Variants in DIPK1A observed in about 807,000 individuals in gnomAD.
The protein encoded by DIPK1A is divergent protein kinase domain 1A.
A neutral mutation model predicts 40.8 loss-of-function variants in DIPK1A; 27 were observed. That is an observed-to-expected ratio of 0.66 (90% CI 0.49 to 0.91). The LOEUF is 0.91. Ranked by LOEUF, DIPK1A falls within the 40% of genes least tolerant of loss-of-function variation. The pLI is 0.00. For missense variants in DIPK1A, 412 were observed against 505.7 expected (o/e 0.81, Z 1.78); for synonymous variants, 166 against 171.3 (o/e 0.97, Z 0.24).
intron 1 of DIPK1A, chr1:92,932,288 A>C (rs1650781283): frequency 6.3e-6 from 1 of 157,934 alleles, no homozygotes; most frequent in Admixed American, 6.5e-5. Context: ...CAAACATACA[A>C]AAATTAGCCA....
intron 1 of DIPK1A, among the ~76,000 whole-genome samples, chr1:92,881,836 G>A (rs1388467116): frequency 1.3e-5 from 2 of 152,080 alleles, no homozygotes; most frequent in Non-Finnish European, 2.9e-5. Context: ...AAGAGGTGGT[G>A]GGATTATGGA....
chr1:92,909,631 G>T (rs1649753107), intron 1 of DIPK1A, among the ~76,000 whole-genome samples: 1 of 152,186 alleles, frequency 6.6e-6, no homozygotes, highest in South Asian at 2.1e-4. Context: ...GAAACAGTAG[G>T]ACTGGACTCT....
At chr1:92,846,646 T>C (rs74622328) in intron 4 of DIPK1A, 3 of 403,710 alleles carry the variant, frequency 7.4e-6, no homozygotes, top group South Asian at 5.3e-5. Context: ...TTTTTTTTTT[T>C]GAAACAGGGT....
At chr1:92,868,802 C>T (rs536337533) in intron 2 of DIPK1A, among the ~76,000 whole-genome samples, 10 of 151,944 alleles carry the variant, frequency 6.6e-5, no homozygotes, top group Middle Eastern at 3.4e-3. Context: ...CTTGTCTCTA[C>T]TAAAAATAAA....
intron 1 of DIPK1A, among the ~76,000 whole-genome samples, chr1:92,942,061 G>A (rs1226355470): frequency 1.3e-5 from 2 of 151,802 alleles, no homozygotes; most frequent in African/African-American, 4.8e-5. Flanking sequence ...ATATGGACAT[G>A]AGCAGTAAAT....
chr1:92,935,853 C>CG (rs1650924447), intron 1 of DIPK1A, among the ~76,000 whole-genome samples: 1 of 151,850 alleles, frequency 6.6e-6, no homozygotes, highest in African/African-American at 2.4e-5. Flanking sequence ...AAGGCTGAGG[C>CG]GGGAGGATCA....
At chr1:92,836,021 T>A (rs76457701) in intron 4 of DIPK1A, among the ~76,000 whole-genome samples, 3,210 of 152,292 alleles carry the variant, frequency 0.021, 115 homozygotes, top group African/African-American at 0.072. Context: ...GTTTTTTTTT[T>A]AAATAGCATT....
intron 1 of DIPK1A, among the ~76,000 whole-genome samples, chr1:92,901,167 C>T (rs186125249): frequency 3.3e-5 from 5 of 152,068 alleles, no homozygotes; most frequent in Admixed American, 1.3e-4. Context: ...TTGTTAATGT[C>T]CTCAGTATCA....
At chr1:92,910,787 C>T (rs1649799037) in intron 1 of DIPK1A, among the ~76,000 whole-genome samples, 1 of 152,090 alleles carries the variant, frequency 6.6e-6, no homozygotes, top group Admixed American at 6.6e-5. Flanking sequence ...ATACAATCTA[C>T]TGATTTTATT....
intron 1 of DIPK1A, among the ~76,000 whole-genome samples, chr1:92,959,818 GCTCAC>G (rs2100929437): frequency 6.7e-6 from 1 of 148,692 alleles, no homozygotes; most frequent in East Asian, 2.0e-4. Flanking sequence ...CGTGATCTCA[GCTCAC>G]TGCAATCTCC....
chr1:92,841,913 G>A (rs1687382353), downstream of DIPK1A: 1 of 1,367,188 alleles, frequency 7.3e-7, no homozygotes, highest in African/African-American at 1.4e-5. Context: ...ATAAACTTAT[G>A]AACAGCAACT....
intron 2 of DIPK1A, among the ~76,000 whole-genome samples, chr1:92,864,540 G>A (rs912978318): frequency 3.3e-5 from 5 of 152,132 alleles, no homozygotes; most frequent in Non-Finnish European, 5.9e-5. Context: ...GAAATGTATA[G>A]AAGGGAAATA....
At chr1:92,881,559 G>A (rs1648377686) in intron 1 of DIPK1A, among the ~76,000 whole-genome samples, 1 of 152,102 alleles carries the variant, frequency 6.6e-6, no homozygotes, top group South Asian at 2.1e-4. Context: ...GAGGCTGACC[G>A]CAAAACAAAA....
intron 4 of DIPK1A, chr1:92,834,646 C>A: frequency 8.3e-7 from 1 of 1,206,296 alleles, no homozygotes; most frequent in Non-Finnish European, 1.2e-6. Flanking sequence ...GGTAACCCAG[C>A]TAAGAGTCTT....
chr1:92,862,787 C>T lies in DIPK1A; in HGVS notation c.190-11832G>A, dbSNP rs114033094. 2.2e-3 allele frequency among the ~76,000 whole-genome samples: 341 copies of T among 152,264 alleles called. 2 individuals carry two copies. The highest frequency in any genetic ancestry group is 7.8e-3 in the African/African-American group (322 of 41,544). ...TGCTTCCTTCACCTCTGCAAACTGC[C>T]GTTCATCTTCTCTGCTCTAGCTATG... On this transcript the variant is annotated intron_variant, in intron 2 of 4. Coordinates refer to ENST00000370310, the MANE Select transcript of DIPK1A (RefSeq NM_001006605.5).
intron 2 of DIPK1A, among the ~76,000 whole-genome samples, chr1:92,856,740 G>GA (rs1158029911): frequency 6.6e-6 from 1 of 151,880 alleles, no homozygotes; most frequent in Non-Finnish European, 1.5e-5. Context: ...TTTAAGGAAG[G>GA]AAAAAAAGAA....
intron 1 of DIPK1A, among the ~76,000 whole-genome samples, chr1:92,892,981 T>C (rs1260945389): frequency 6.6e-6 from 1 of 152,030 alleles, no homozygotes; most frequent in African/African-American, 2.4e-5. Context: ...GAACAAAGCC[T>C]CCAAGAAATA....
intron 1 of DIPK1A, among the ~76,000 whole-genome samples, chr1:92,894,708 T>G (rs1300711842): frequency 6.6e-6 from 1 of 152,016 alleles, no homozygotes; most frequent in Non-Finnish European, 1.5e-5. Context: ...ATTCAATGAA[T>G]CCAGGAGCTG....
In DIPK1A at chr1:92,843,002, T is replaced by C. The variant is rs570577395; in HGVS notation, c.*381A>G. The C allele has an allele frequency of 6.0e-6, 6 of 995,358 alleles. No individual in the cohort carries two copies. The highest frequency in any genetic ancestry group is 4.6e-5 in the South Asian group (1 of 21,848). 61.7% of individuals were successfully genotyped at this position (995,358 alleles called of 1,614,324 possible). Reference sequence around the variant, plus strand: ...GACATTAGTAAATTTATAAATTTTCTTGTTGAACAGCAGCTTCAATGCAAA... The same window carrying C: ...GACATTAGTAAATTTATAAATTTTCCTGTTGAACAGCAGCTTCAATGCAAA... On this transcript the variant is annotated 3_prime_UTR_variant, in exon 5 of 5. Coordinates refer to ENST00000370310, the MANE Select transcript of DIPK1A (RefSeq NM_001006605.5).
Sources: allele counts gnomAD v4.1 joint callset (sites outside exome capture counted in the v4.1 genomes callset), GRCh38; gene constraint gnomAD v4.1.1; transcripts MANE v1.5; gene names NCBI Gene and HGNC (gene_info 2026-07-23, HGNC 2026-07-21).